Variants in CEP83 observed in about 807,000 individuals in gnomAD.
CEP83 encodes the protein centrosomal protein 83.
In CEP83, 70 loss-of-function variants were observed where a neutral mutation model predicts 101.9. That is an observed-to-expected ratio of 0.69 (90% CI 0.57 to 0.84). CEP83 has a LOEUF of 0.84. Ranked by LOEUF, CEP83 falls within the 40% of genes least tolerant of loss-of-function variation. The pLI, the probability that CEP83 is intolerant of heterozygous loss-of-function variation, is 0.00. For missense variants in CEP83, 715 were observed against 787.2 expected (o/e 0.91, Z 1.10); for synonymous variants, 264 against 267.9 (o/e 0.99, Z 0.14).
intron 6 of CEP83, among the ~76,000 whole-genome samples, chr12:94,384,771 C>T (rs1447385528): frequency 1.3e-5 from 2 of 152,018 alleles, no homozygotes; most frequent in Admixed American, 1.3e-4. Context: ...TTTGCTAAGT[C>T]TTTTGGGTTT....
At chr12:94,408,369 TG>T (rs1419526942) in intron 4 of CEP83, among the ~76,000 whole-genome samples, 1 of 152,206 alleles carries the variant, frequency 6.6e-6, no homozygotes, top group African/African-American at 2.4e-5. Context: ...TACTTTGATC[TG>T]AGCTTCCCAG....
At chr12:94,293,894 G>A in the CEP83 span, among the ~76,000 whole-genome samples, 17 of 152,062 alleles carry the variant, frequency 1.1e-4, no homozygotes, top group South Asian at 2.1e-4. Context: ...TGCTGGGATC[G>A]CAGGAGTGAG....
Position 94,367,779 on chromosome 12 carries a change from A to G in CEP83, c.1343+15T>C, listed in dbSNP as rs1440887545. ...TTTCAACATGAAAAACTTTAAATAT[A>G]TATGTATATATAACCTAACACTCTG... On this transcript the variant is annotated intron_variant, in intron 11 of 16. Transcript: ENST00000397809. The G allele has an allele frequency of 6.4e-7, 1 of 1,562,090 alleles. No individual in the cohort carries two copies. Among genetic ancestry groups the G allele is most frequent in the Admixed American group, 2.1e-5 (1 of 48,760 alleles).
chr12:94,427,172 T>C (rs2065265803), intron 2 of CEP83, among the ~76,000 whole-genome samples: 1 of 152,236 alleles, frequency 6.6e-6, no homozygotes, highest in Non-Finnish European at 1.5e-5. Context: ...TACACAGCTA[T>C]CAATTATCTG....
At chr12:94,449,964 G>C (rs1318392749) in intron 1 of CEP83, among the ~76,000 whole-genome samples, 1 of 152,056 alleles carries the variant, frequency 6.6e-6, no homozygotes, top group Non-Finnish European at 1.5e-5. Context: ...ACCCACTCAT[G>C]ATTAAAAACT....
chr12:94,331,784 C>T lies in CEP83; in HGVS notation c.1623G>A (p.Lys541=). The T allele has an allele frequency of 6.2e-7, 1 of 1,613,278 alleles. No homozygotes were observed. Among genetic ancestry groups the T allele is most frequent in the South Asian group, 1.1e-5 (1 of 91,068 alleles). ...KQIQWLEEKH[K]LHERITDREE... Reference sequence around the variant, plus strand: ...CTCTGTCTGTGATACGCTCATGAAGCTTATGCTTTTCTTCCAACCACTGTA... The same window carrying T: ...CTCTGTCTGTGATACGCTCATGAAGTTTATGCTTTTCTTCCAACCACTGTA... The change falls in exon 14 of 17, where the codon AAG becomes AAA. Residue 541 remains lysine, a synonymous_variant. Transcript: ENST00000397809.
intron 11 of CEP83, among the ~76,000 whole-genome samples, chr12:94,336,665 T>C (rs983837958): frequency 3.3e-5 from 5 of 152,200 alleles, no homozygotes; most frequent in African/African-American, 1.2e-4. Flanking sequence ...TACATACAAA[T>C]GCCAGAAACG....
At chr12:94,371,305 CGGAG>C (rs898801490) in intron 8 of CEP83, among the ~76,000 whole-genome samples, 46 of 151,932 alleles carry the variant, frequency 3.0e-4, no homozygotes, top group Non-Finnish European at 6.2e-4. Context: ...AATGAATAAA[CGGAG>C]GGGGGAAGGA....
chr12:94,315,494 A>G (rs1970532227), intron 14 of CEP83, among the ~76,000 whole-genome samples: 1 of 152,086 alleles, frequency 6.6e-6, no homozygotes, highest in Non-Finnish European at 1.5e-5. Flanking sequence ...TGTCAGATAT[A>G]TATGTATTGC....
At chr12:94,428,344 TG>T (rs1394222983) in intron 2 of CEP83, among the ~76,000 whole-genome samples, 2 of 152,248 alleles carry the variant, frequency 1.3e-5, no homozygotes, top group African/African-American at 4.8e-5. Flanking sequence ...CTGTGTGAGT[TG>T]TATATTCTTC....
chr12:94,379,101 C>A, intron 6 of CEP83, 59 bp from the exon 7 acceptor site: 2 of 1,371,210 alleles, frequency 1.5e-6, no homozygotes, highest in Non-Finnish European at 2.0e-6. Context: ...CAGTCATGAA[C>A]ATGCTTTACA....
At chr12:94,384,890 T>C (rs2062046931) in intron 6 of CEP83, among the ~76,000 whole-genome samples, 1 of 152,244 alleles carries the variant, frequency 6.6e-6, no homozygotes, top group South Asian at 2.1e-4. Flanking sequence ...CATCTCAGTG[T>C]TGGCATCTAT....
At chr12:94,396,109 C>T (rs1182174631) in intron 6 of CEP83, among the ~76,000 whole-genome samples, 1 of 152,038 alleles carries the variant, frequency 6.6e-6, no homozygotes, top group Non-Finnish European at 1.5e-5. Context: ...TTATAATTAC[C>T]TGCGCCTACA....
chr12:94,422,998 G>C (rs1431345801), intron 2 of CEP83, among the ~76,000 whole-genome samples: 1 of 152,134 alleles, frequency 6.6e-6, no homozygotes, highest in African/African-American at 2.4e-5. Context: ...TCATGGAGCA[G>C]GTTTATATTT....
chr12:94,425,035 C>T (rs771518850), intron 2 of CEP83: 52 of 271,388 alleles, frequency 1.9e-4, no homozygotes, highest in Admixed American at 3.9e-4. Context: ...GTAAGAAAGA[C>T]GGGGAGGGAG....
At chr12:94,407,964 T>G (rs750740331) in intron 4 of CEP83, 1 of 152,228 alleles carries the variant, frequency 6.6e-6, no homozygotes, top group Non-Finnish European at 1.5e-5. Context: ...AAGACAAGCA[T>G]GTACCACTAC....
chr12:94,279,662 G>A, the CEP83 span: 20 of 1,612,902 alleles, frequency 1.2e-5, no homozygotes, highest in Non-Finnish European at 1.4e-5. Context: ...AAGGCGGTGC[G>A]GGAGCTATGT....
At chr12:94,315,454 G>T (rs147321406) in intron 14 of CEP83, among the ~76,000 whole-genome samples, 5 of 152,104 alleles carry the variant, frequency 3.3e-5, no homozygotes, top group Non-Finnish European at 7.4e-5. Flanking sequence ...CTGATTTGTA[G>T]TTCTTTATAT....
the CEP83 span, chr12:94,297,058 G>T: frequency 1.3e-6 from 1 of 793,212 alleles, no homozygotes. Context: ...TGTAGCTATG[G>T]AGAGCTCAAG....
Sources: allele counts gnomAD v4.1 joint callset (sites outside exome capture counted in the v4.1 genomes callset), GRCh38; gene constraint gnomAD v4.1.1; transcripts MANE v1.5; gene names NCBI Gene and HGNC (gene_info 2026-07-23, HGNC 2026-07-21).